The following UBE4B variants were observed in gnomAD, a reference collection of about 807,000 sequenced individuals.
The protein encoded by UBE4B is ubiquitination factor E4B.
In UBE4B, 27 loss-of-function variants were observed where a neutral mutation model predicts 148.1. The ratio of observed to expected loss-of-function variants is 0.18; its 90% confidence interval spans 0.13 to 0.25. UBE4B has a LOEUF of 0.25. Ranked by LOEUF, UBE4B falls within the 10% of genes least tolerant of loss-of-function variation. The pLI is 1.00. For synonymous variants in UBE4B, 596 were observed against 619.3 expected (o/e 0.96, Z 0.56); for missense variants, 1,170 against 1,662.4 (o/e 0.70, Z 5.15).
At chr1:10,070,276 G>GA (rs60259277) in intron 1 of UBE4B, among the ~76,000 whole-genome samples, 101 of 131,088 alleles carry the variant, frequency 7.7e-4, no homozygotes, top group Middle Eastern at 3.8e-3. Flanking sequence ...CTCCGTCTCA[G>GA]AAAAAAAAAA....
chr1:10,073,920 ATTTTTTTTT>A (rs947131085), intron 2 of UBE4B, among the ~76,000 whole-genome samples: 1 of 74,852 alleles, frequency 1.3e-5, no homozygotes, highest in South Asian at 4.3e-4. Context: ...CTTTCTTTCT[ATTTTTTTTT>A]TTTTTTTTTT....
At chr1:10,134,642 A>G (rs1645648566) in intron 15 of UBE4B, among the ~76,000 whole-genome samples, 1 of 152,178 alleles carries the variant, frequency 6.6e-6, no homozygotes, top group Admixed American at 6.5e-5. Context: ...GTGATGAGAT[A>G]TATGTCTTCT....
In UBE4B at chr1:10,034,631, A is replaced by T. The variant is rs372206719; in HGVS notation, c.24+937A>T. Among the ~76,000 whole-genome samples, 91 of 152,106 alleles carry T rather than the reference A, an allele frequency of 6.0e-4. 1 individual carries two copies. Among genetic ancestry groups the T allele is most frequent in the African/African-American group, 2.1e-3 (86 of 41,488 alleles). ...CTTTAGCCTACCTCCACATTTCTTCACTGGTTCATCATGTAAACTTCCCTA... is the reference window on the plus strand; with the variant it reads ...CTTTAGCCTACCTCCACATTTCTTCTCTGGTTCATCATGTAAACTTCCCTA... On this transcript the variant is annotated intron_variant, in intron 1 of 27. Coordinates refer to ENST00000343090, the MANE Select transcript of UBE4B (RefSeq NM_001105562.3).
rs1646461762 is a variant in UBE4B, at chr1:10,178,603, G to A, written c.3526-41G>A. The A allele has an allele frequency of 2.6e-6, 4 of 1,535,866 alleles. No homozygotes were observed. The South Asian group carries it at 5.0e-5, about 19-fold the overall frequency. ...TTCTGCAGCTCGCTTTTTTCCACCT[G>A]ACGTACATTTACGTCTCACATTGCC... is the stretch of plus-strand genomic sequence containing the variant. On this transcript the variant is annotated intron_variant, in intron 25 of 27. Coordinates refer to ENST00000343090, the MANE Select transcript of UBE4B (RefSeq NM_001105562.3).
chr1:10,036,837 C>T (rs1163940004), intron 1 of UBE4B, among the ~76,000 whole-genome samples: 2 of 152,102 alleles, frequency 1.3e-5, no homozygotes, highest in Non-Finnish European at 2.9e-5. Context: ...AGGGTTAAAA[C>T]AGGCAAGGCG....
chr1:10,078,893 T>G (rs1644628267), intron 2 of UBE4B, among the ~76,000 whole-genome samples: 1 of 152,146 alleles, frequency 6.6e-6, no homozygotes, highest in Admixed American at 6.6e-5. Flanking sequence ...CATAGCTCAT[T>G]GCGGCCACAA....
intron 5 of UBE4B, among the ~76,000 whole-genome samples, chr1:10,105,300 A>G (rs1056321259): frequency 6.6e-6 from 1 of 152,194 alleles, no homozygotes; most frequent in Non-Finnish European, 1.5e-5. Context: ...TGACGTTAAT[A>G]TCTTATATAA....
In UBE4B at chr1:10,033,407, T is replaced by G. The variant is rs1333996242; in HGVS notation, c.-264T>G. 1.9e-5 allele frequency: 7 copies of G among 367,766 alleles called. No individual in the cohort carries two copies. 22.8% of individuals were successfully genotyped at this position (367,766 alleles called of 1,614,324 possible). A position where few individuals can be genotyped will look rare whatever the true frequency, so the allele number is the denominator to read the frequency against. The stretch of plus-strand genomic sequence containing the variant: ...TAAGTGGCGCCTTAAGACAACCCTG[T>G]AGCAGCAGCAGTGGCGGCCAAAGGA... On this transcript the variant is annotated 5_prime_UTR_variant, in exon 1 of 28. Coordinates refer to ENST00000343090, the MANE Select transcript of UBE4B (RefSeq NM_001105562.3).
In UBE4B at chr1:10,180,073, C is replaced by T; in HGVS notation, c.*117C>T. ...GGAGGCCAAATGTGGCAAACCAACC[C>T]CAGGCCCACCCAGAGCGAGCAAACG... On this transcript the variant is annotated 3_prime_UTR_variant, in exon 28 of 28. Transcript: ENST00000343090. 7.7e-7 allele frequency: 1 copy of T among 1,296,218 alleles called. No homozygotes were observed. The allele number at this position is 1,296,218 out of a possible 1,614,324, so 80.3% of individuals were successfully genotyped here. A position where few individuals can be genotyped will look rare whatever the true frequency, so the allele number is the denominator to read the frequency against.
intron 7 of UBE4B, among the ~76,000 whole-genome samples, chr1:10,114,064 C>CAAA (rs34811287): frequency 2.3e-5 from 1 of 44,368 alleles, no homozygotes; most frequent in Non-Finnish European, 4.6e-5. Context: ...GACTCCGTCT[C>CAAA]AAAAAAAAAA....
At position 10,161,166 on chromosome 1, in the gene UBE4B, T is replaced by C. The variant is rs1355559187; in HGVS notation, c.3078T>C (p.Tyr1026=). The change falls in exon 23 of 28, where the codon TAT becomes TAC. Residue 1026 remains tyrosine (Y), a synonymous_variant. Coordinates refer to ENST00000343090, the MANE Select transcript of UBE4B (RefSeq NM_001105562.3). The surrounding 1 kb of genome is among the most constrained non-coding windows in gnomAD (Gnocchi z 4.1). ...EFNSGKQFVR[Y]INMLINDTTF... is the part of the protein sequence containing the mutation. ...GCTCCGGGAAGCAGTTTGTTCGCTA[T>C]ATAAACATGTTGATAAACGACACGA... 1 of 1,614,028 alleles carries C rather than the reference T, an allele frequency of 6.2e-7. No homozygotes were observed. The highest frequency in any genetic ancestry group is 1.1e-5 in the South Asian group (1 of 91,070).
At chr1:10,092,283 G>A (rs1201399666) in intron 2 of UBE4B, among the ~76,000 whole-genome samples, 1 of 152,070 alleles carries the variant, frequency 6.6e-6, no homozygotes, top group African/African-American at 2.4e-5. Context: ...GGAGTGCCGT[G>A]GCACGATCTT....
intron 1 of UBE4B, among the ~76,000 whole-genome samples, chr1:10,068,071 C>T (rs1433704273): frequency 6.7e-6 from 1 of 150,154 alleles, no homozygotes; most frequent in African/African-American, 2.5e-5. Context: ...CTCTGTTGCC[C>T]AGGTTGGAGT....
At chr1:10,081,290 T>C (rs989784338) in intron 2 of UBE4B, among the ~76,000 whole-genome samples, 1 of 151,680 alleles carries the variant, frequency 6.6e-6, no homozygotes, top group Admixed American at 6.6e-5. Flanking sequence ...CAACTCCCGA[T>C]GTCAGATGAT....
chr1:10,051,690 A>G (rs1257658323), intron 1 of UBE4B, among the ~76,000 whole-genome samples: 1 of 152,164 alleles, frequency 6.6e-6, no homozygotes, highest in East Asian at 1.9e-4. Context: ...AAAGGGAAAG[A>G]AGAGTGTGCA....
intron 1 of UBE4B, among the ~76,000 whole-genome samples, chr1:10,042,935 C>A (rs867334766): frequency 2.6e-5 from 4 of 151,672 alleles, no homozygotes; most frequent in Non-Finnish European, 4.4e-5. Context: ...CCAGGAATAG[C>A]AAGGATGCCA....
At chr1:10,087,215 G>T (rs930406480) in intron 2 of UBE4B, among the ~76,000 whole-genome samples, 8 of 151,996 alleles carry the variant, frequency 5.3e-5, no homozygotes, top group Non-Finnish European at 1.0e-4. Flanking sequence ...CCAGAGCATA[G>T]GTAAAAATAT....
chr1:10,084,055 T>C (rs1439201285), intron 2 of UBE4B, among the ~76,000 whole-genome samples: 1 of 152,136 alleles, frequency 6.6e-6, no homozygotes, highest in African/African-American at 2.4e-5. Flanking sequence ...AACCTGGTCC[T>C]GCAACCTCTG....
intron 1 of UBE4B, among the ~76,000 whole-genome samples, chr1:10,057,743 A>T (rs1644203325): frequency 6.6e-6 from 1 of 151,222 alleles, no homozygotes; most frequent in Non-Finnish European, 1.5e-5. Context: ...GAAAAAAAAA[A>T]AAAAGAAAGA....
Sources: gnomAD v4.1 joint callset for allele counts (sites outside exome capture counted in the v4.1 genomes callset) on GRCh38, gnomAD v4.1.1 for gene constraint, Gnocchi (gnomAD v3.1) non-coding constraint, MANE v1.5 for transcripts, NCBI Gene and HGNC (gene_info 2026-07-23, HGNC 2026-07-21) for gene names.